The following LRBA variants were observed in gnomAD, a reference collection of about 807,000 sequenced individuals.
LRBA encodes the protein lipopolysaccharide-responsive and beige-like anchor protein.
Under a neutral mutation model 330.0 loss-of-function variants are expected in LRBA, and 176 were observed. The observed-to-expected ratio is 0.53, with a 90% CI of 0.47 to 0.60. The LOEUF (loss-of-function observed/expected upper bound fraction) is 0.60, where lower values mean the gene tolerates loss of function less well. LRBA is among the 20% of genes least tolerant of loss of function. The pLI, the probability that LRBA is intolerant of heterozygous loss-of-function variation, is 0.00. For synonymous variants in LRBA, 1,230 were observed against 1,193.0 expected, an observed-to-expected ratio of 1.03 and a Z score of -0.64; for missense variants, 3,259 against 3,444.8, an observed-to-expected ratio of 0.95 and a Z score of 1.35.
intron 28 of LRBA, among the ~76,000 whole-genome samples, chr4:150,842,047 T>C (rs1308579851): frequency 6.6e-6 from 1 of 152,212 alleles, no homozygotes; most frequent in East Asian, 1.9e-4. Flanking sequence ...TTTCTAAAAC[T>C]CCTATAAGGT....
chr4:150,635,065 G>A (rs1777757332), intron 37 of LRBA, among the ~76,000 whole-genome samples: 1 of 152,176 alleles, frequency 6.6e-6, no homozygotes. Flanking sequence ...ATAGATAAAA[G>A]TAGAAATCTT....
chr4:150,956,268 A>G (rs1267726872), intron 2 of LRBA, among the ~76,000 whole-genome samples: 1 of 149,026 alleles, frequency 6.7e-6, no homozygotes, highest in Non-Finnish European at 1.5e-5. Flanking sequence ...TAGACAACTT[A>G]GATAAAAGGA....
chr4:150,786,475 C>T (rs1739075696), intron 34 of LRBA, among the ~76,000 whole-genome samples: 1 of 152,026 alleles, frequency 6.6e-6, no homozygotes. Context: ...AACTCCTGAC[C>T]TCAGATGATC....
At chr4:150,559,834 TATAATATATATA>T (rs1454671137) in intron 40 of LRBA, among the ~76,000 whole-genome samples, 670 of 57,566 alleles carry the variant, frequency 0.012, 5 homozygotes, top group African/African-American at 0.022. Context: ...TAATATAAAA[TATAATATATATA>T]ATAATATATA....
At chr4:150,663,223 T>C (rs1781278755) in intron 37 of LRBA, among the ~76,000 whole-genome samples, 1 of 152,098 alleles carries the variant, frequency 6.6e-6, no homozygotes, top group Non-Finnish European at 1.5e-5. Context: ...TATAGGGAAC[T>C]ACCGTTTCAG....
intron 34 of LRBA, among the ~76,000 whole-genome samples, chr4:150,772,761 T>C (rs749274187): frequency 6.6e-6 from 1 of 152,138 alleles, no homozygotes; most frequent in Non-Finnish European, 1.5e-5. Context: ...GAAGCACCAT[T>C]AGATCTCCTG....
At chr4:150,288,201 G>C (rs962690253) in intron 53 of LRBA, among the ~76,000 whole-genome samples, 1 of 151,456 alleles carries the variant, frequency 6.6e-6, no homozygotes, top group Non-Finnish European at 1.5e-5. Context: ...CCGTGGTCTC[G>C]ATCTCCTGAC....
Position 150,363,101 on chromosome 4 carries a change from G to A in LRBA, c.7195-12942C>T, listed in dbSNP as rs78276006. 5.1e-3 allele frequency among the ~76,000 whole-genome samples: 776 copies of A among 152,192 alleles called. 7 individuals are homozygous for A. The highest frequency in any genetic ancestry group is 0.018 in the African/African-American group (740 of 41,514). ...AGGTGTGATTGTGCCACTGTATGCCGGCCTGGGTGACAGAGAGAGACCTTG... is the reference window on the plus strand; with the variant it reads ...AGGTGTGATTGTGCCACTGTATGCCAGCCTGGGTGACAGAGAGAGACCTTG... On this transcript the variant is annotated intron_variant, in intron 47 of 56. Transcript: ENST00000651943.
At chr4:150,953,428 T>G (rs938931138) in intron 2 of LRBA, among the ~76,000 whole-genome samples, 1 of 127,086 alleles carries the variant, frequency 7.9e-6, no homozygotes, top group African/African-American at 2.9e-5. Flanking sequence ...AAGGCTGGAC[T>G]GTACTGCCGC....
At chr4:150,332,835 C>G (rs1318718396) in intron 48 of LRBA, among the ~76,000 whole-genome samples, 2 of 151,958 alleles carry the variant, frequency 1.3e-5, no homozygotes, top group African/African-American at 2.4e-5. Context: ...TGCAGTAAAA[C>G]CACATATTTA....
At position 150,738,102 on chromosome 4, in the gene LRBA, T is replaced by C. The variant is rs867026618; in HGVS notation, c.5646-2736A>G. 7.3e-5 allele frequency among the ~76,000 whole-genome samples: 11 copies of C among 150,634 alleles called. No individual in the cohort carries two copies. In the Middle Eastern group the frequency reaches 0.01, roughly 140 times the overall value. On this transcript the variant is annotated intron_variant, in intron 35 of 56. Coordinates refer to ENST00000651943, the MANE Select transcript of LRBA (RefSeq NM_001364905.1). The stretch of plus-strand genomic sequence containing the variant: ...GCCTCCTGGGTTCAAGCGATTCTCC[T>C]GCCTCAACCTCCTGAGTAGCTGGGA...
chr4:150,735,162 T>C, intron 36 of LRBA, 96 bp downstream of exon 36: 1 of 880,352 alleles, frequency 1.1e-6, no homozygotes, highest in Non-Finnish European at 1.9e-6. Context: ...TGACATATAC[T>C]ATGTTTCTTT....
intron 34 of LRBA, among the ~76,000 whole-genome samples, chr4:150,773,605 C>T (rs1736872651): frequency 6.6e-6 from 1 of 152,200 alleles, no homozygotes; most frequent in Non-Finnish European, 1.5e-5. Flanking sequence ...GGAGGAAAAT[C>T]CTTCCAGAAA....
intron 42 of LRBA, among the ~76,000 whole-genome samples, chr4:150,472,011 C>T (rs1312774854): frequency 6.6e-6 from 1 of 151,878 alleles, no homozygotes; most frequent in Non-Finnish European, 1.5e-5. Flanking sequence ...TGATTAATAA[C>T]AGTATAATTA....
intron 36 of LRBA, among the ~76,000 whole-genome samples, chr4:150,687,658 G>T (rs1295585101): frequency 6.6e-6 from 1 of 152,082 alleles, no homozygotes; most frequent in African/African-American, 2.4e-5. Context: ...CTCCACAGAA[G>T]AAATTCAGTC....
intron 37 of LRBA, among the ~76,000 whole-genome samples, chr4:150,639,034 T>C (rs1778220944): frequency 1.7e-5 from 2 of 117,910 alleles, no homozygotes; most frequent in Admixed American, 9.5e-5. Context: ...TAAAAAATGA[T>C]GAGTTCATGT....
intron 40 of LRBA, among the ~76,000 whole-genome samples, chr4:150,513,958 T>A (rs2152141563): frequency 6.6e-6 from 1 of 152,336 alleles, no homozygotes; most frequent in Non-Finnish European, 1.5e-5. Flanking sequence ...CTGCTTGTGC[T>A]GTAAGTCTTT....
chr4:150,460,702 T>G (rs1410077664), intron 44 of LRBA, among the ~76,000 whole-genome samples: 2 of 151,842 alleles, frequency 1.3e-5, no homozygotes, highest in Admixed American at 1.3e-4. Flanking sequence ...TTTATTTTCC[T>G]GTTTCTGCAC....
chr4:150,708,275 T>C lies in LRBA; in HGVS notation c.5755-24558A>G, dbSNP rs940874228. Among the ~76,000 whole-genome samples the C allele has an allele frequency of 1.3e-4, 20 of 151,910 alleles. No homozygotes were observed. In the East Asian group the frequency reaches 3.8e-3, roughly 29 times the overall value. ...ATAACTCAATTCTGTTCAGCAAGCA[T>C]ATGTTATGAATCTCCAAAGCAAACT... On this transcript the variant is annotated intron_variant, in intron 36 of 56. Coordinates refer to ENST00000651943, the MANE Select transcript of LRBA (RefSeq NM_001364905.1).
Sources: gnomAD v4.1 joint callset for allele counts (sites outside exome capture counted in the v4.1 genomes callset) on GRCh38, gnomAD v4.1.1 for gene constraint, MANE v1.5 for transcripts, NCBI Gene and HGNC (gene_info 2026-07-23, HGNC 2026-07-21) for gene names.